NRXN3: variants seen among roughly 807,000 people sequenced by gnomAD.
NRXN3 encodes neurexin III.
NRXN3 carries 32 observed loss-of-function variants against 137.6 expected under a neutral mutation model. The ratio of observed to expected loss-of-function variants is 0.23; its 90% CI spans 0.18 to 0.31. The LOEUF (loss-of-function observed/expected upper bound fraction) is 0.31. Ranked by LOEUF, NRXN3 falls within the 10% of genes least tolerant of loss-of-function variation. The pLI is 1.00. For synonymous variants in NRXN3, 798 were observed against 784.5 expected, an observed-to-expected ratio of 1.02 and a Z score of -0.29; for missense variants, 1,574 against 2,062.5, an observed-to-expected ratio of 0.76 and a Z score of 4.59.
intron 4 of NRXN3, among the ~76,000 whole-genome samples, chr14:78,338,805 A>G (rs919980606): frequency 6.6e-6 from 1 of 152,188 alleles, no homozygotes; most frequent in Non-Finnish European, 1.5e-5. Context: ...CTTTTAGGTG[A>G]AAATTTTGGA....
At chr14:79,180,732 T>C (rs1188271464) in intron 15 of NRXN3, among the ~76,000 whole-genome samples, 1 of 152,130 alleles carries the variant, frequency 6.6e-6, no homozygotes, top group African/African-American at 2.4e-5. Context: ...CTGTGGAAGC[T>C]TTTACATAAT....
At chr14:78,677,583 A>G (rs1054048808) in intron 6 of NRXN3, among the ~76,000 whole-genome samples, 2 of 152,184 alleles carry the variant, frequency 1.3e-5, no homozygotes, top group Non-Finnish European at 2.9e-5. Context: ...TGCTGTGGAC[A>G]ATGTTGAAAC....
chr14:78,391,954 A>G (rs2090837502), intron 4 of NRXN3, among the ~76,000 whole-genome samples: 1 of 152,112 alleles, frequency 6.6e-6, no homozygotes, highest in African/African-American at 2.4e-5. Context: ...CCTTCAAACC[A>G]CAAAGATTGA....
At chr14:78,404,050 GA>G (rs2092312855) in intron 4 of NRXN3, among the ~76,000 whole-genome samples, 1 of 152,080 alleles carries the variant, frequency 6.6e-6, no homozygotes, top group South Asian at 2.1e-4. Context: ...GGCCCTGAGA[GA>G]AGAGAAAGGA....
chr14:79,140,434 A>G (rs556047631), intron 15 of NRXN3, among the ~76,000 whole-genome samples: 3 of 152,228 alleles, frequency 2.0e-5, no homozygotes, highest in Admixed American at 2.0e-4. Context: ...CCAGCAAAAT[A>G]CCTTCCAATG....
At chr14:78,411,677 G>A (rs1307884083) in intron 4 of NRXN3, among the ~76,000 whole-genome samples, 1 of 152,178 alleles carries the variant, frequency 6.6e-6, no homozygotes, top group Non-Finnish European at 1.5e-5. Flanking sequence ...TCTGGTGATG[G>A]GGAAGCCCCC....
At chr14:79,605,411 G>A (rs1430524835) in intron 16 of NRXN3, among the ~76,000 whole-genome samples, 1 of 152,160 alleles carries the variant, frequency 6.6e-6, no homozygotes, top group African/African-American at 2.4e-5. Context: ...GAGTCTTAGG[G>A]TGTGGATGGG....
intron 4 of NRXN3, among the ~76,000 whole-genome samples, chr14:78,482,851 T>C (rs2095496223): frequency 6.6e-6 from 1 of 152,164 alleles, no homozygotes; most frequent in African/African-American, 2.4e-5. Context: ...CCTTTTAATG[T>C]TGTTTCTCAC....
At chr14:79,475,973 C>A (rs560665171) in intron 16 of NRXN3, among the ~76,000 whole-genome samples, 1 of 152,062 alleles carries the variant, frequency 6.6e-6, no homozygotes, top group African/African-American at 2.4e-5. Flanking sequence ...AGTGCCATCA[C>A]GTGAATGCTG....
At chr14:79,057,748 T>C (rs2099667655) in intron 15 of NRXN3, among the ~76,000 whole-genome samples, 1 of 152,134 alleles carries the variant, frequency 6.6e-6, no homozygotes, top group South Asian at 2.1e-4. Context: ...AGAATCCAGT[T>C]TGCACTGCAC....
intron 10 of NRXN3, among the ~76,000 whole-genome samples, chr14:78,814,920 T>TAAA (rs2098927142): frequency 6.6e-6 from 1 of 152,218 alleles, no homozygotes; most frequent in Non-Finnish European, 1.5e-5. Context: ...TAATAATAAT[T>TAAA]AAATATATGG....
chr14:78,472,889 G>A (rs1482496849), intron 4 of NRXN3, among the ~76,000 whole-genome samples: 1 of 150,492 alleles, frequency 6.6e-6, no homozygotes, highest in Non-Finnish European at 1.5e-5. Flanking sequence ...AGGTGAAATG[G>A]ATTTAGCCAG....
At chr14:79,028,629 G>A (rs2099602341) in intron 15 of NRXN3, among the ~76,000 whole-genome samples, 1 of 152,136 alleles carries the variant, frequency 6.6e-6, no homozygotes, top group Non-Finnish European at 1.5e-5. Context: ...TGGTGTTTGG[G>A]AAATGACAGA....
chr14:78,924,532 G>A (rs1314194986), intron 10 of NRXN3, among the ~76,000 whole-genome samples: 1 of 152,046 alleles, frequency 6.6e-6, no homozygotes, highest in Non-Finnish European at 1.5e-5. Flanking sequence ...TTTCTTCATG[G>A]CCTATTGTCA....
intron 14 of NRXN3, among the ~76,000 whole-genome samples, chr14:78,981,314 C>T (rs1416797137): frequency 6.6e-6 from 1 of 152,208 alleles, no homozygotes; most frequent in Non-Finnish European, 1.5e-5. Context: ...CCTTAAGTTA[C>T]TCTTATTAAT....
chr14:78,369,014 T>C (rs921265228), intron 4 of NRXN3, among the ~76,000 whole-genome samples: 1 of 152,184 alleles, frequency 6.6e-6, no homozygotes, highest in South Asian at 2.1e-4. Context: ...GAATACTCAC[T>C]GAACTAGGAA....
At chr14:78,485,807 T>G (rs942702848) in intron 4 of NRXN3, among the ~76,000 whole-genome samples, 38 of 152,212 alleles carry the variant, frequency 2.5e-4, no homozygotes, top group African/African-American at 8.9e-4. Flanking sequence ...TGTTAACACT[T>G]AAGAAATTAT....
intron 2 of NRXN3, among the ~76,000 whole-genome samples, chr14:78,255,392 T>G (rs1233511702): frequency 1.3e-5 from 2 of 152,216 alleles, no homozygotes; most frequent in African/African-American, 4.8e-5. Flanking sequence ...CATTGCCACG[T>G]GGGCAGAGGA....
chr14:78,479,887 G>A (rs1211377495), intron 4 of NRXN3, among the ~76,000 whole-genome samples: 3 of 152,134 alleles, frequency 2.0e-5, no homozygotes, highest in African/African-American at 7.2e-5. Context: ...GTTCACGCCT[G>A]TAATCCCAGC....
Sources: allele counts gnomAD v4.1 joint callset (sites outside exome capture counted in the v4.1 genomes callset), GRCh38; gene constraint gnomAD v4.1.1; transcripts MANE v1.5; gene names NCBI Gene and HGNC (gene_info 2026-07-23, HGNC 2026-07-21).